IGLON5: variants seen among roughly 807,000 people sequenced by gnomAD.
IGLON5 encodes IgLON family member 5.
In IGLON5, 16 loss-of-function variants were observed where a neutral mutation model predicts 38.2. The ratio of observed to expected loss-of-function variants is 0.42; its 90% confidence interval spans 0.28 to 0.64. The LOEUF (loss-of-function observed/expected upper bound fraction) is 0.64, where lower values mean the gene tolerates loss of function less well. IGLON5 is among the 30% of genes least tolerant of loss of function. IGLON5 has a pLI of 0.23. For synonymous variants in IGLON5, 207 were observed against 216.4 expected (o/e 0.96, Z 0.38); for missense variants, 366 against 483.4 (o/e 0.76, Z 2.28).
rs1436142917 is a variant in IGLON5 at position 51,311,931 on chromosome 19, C to G, written c.79+5C>G. The stretch of plus-strand genomic sequence containing the variant: ...GCTTGGCCGTCATCAGCCGAGGTAC[C>G]GCAGCGCCGGGGGCGGGGGGCTCGG... On this transcript the variant is annotated splice_donor_5th_base_variant and intron_variant, in intron 1 of 7. Transcript: ENST00000270642. The G allele has an allele frequency of 5.3e-6, 7 of 1,325,626 alleles. No individual in the cohort carries two copies. The highest frequency in any genetic ancestry group is 5.8e-6 in the Non-Finnish European group (6 of 1,036,776). The allele number at this position is 1,325,626 out of a possible 1,614,324, so 82.1% of individuals were successfully genotyped here.
intron 1 of IGLON5, among the ~76,000 whole-genome samples, chr19:51,320,495 C>T (rs986496357): frequency 6.6e-6 from 1 of 152,188 alleles, no homozygotes; most frequent in African/African-American, 2.4e-5. Flanking sequence ...CCAGCCCCCA[C>T]TCCCTGGCCC....
At chr19:51,328,043 A>G (rs1985261862) in intron 7 of IGLON5, among the ~76,000 whole-genome samples, 157 bp downstream of exon 7, 2 of 152,226 alleles carry the variant, frequency 1.3e-5, no homozygotes, top group African/African-American at 4.8e-5. Flanking sequence ...GATCCACGCA[A>G]TCAATATTCA....
chr19:51,323,959 T>A (rs965505710), intron 3 of IGLON5, 65 bp downstream of exon 3: 12 of 1,111,586 alleles, frequency 1.1e-5, no homozygotes, highest in Admixed American at 4.0e-5. Context: ...CTAGGCATGA[T>A]GACAGATACC....
In IGLON5 at chr19:51,324,853, C is replaced by T. The variant is rs570639730; in HGVS notation, c.392-493C>T. On this transcript the variant is annotated intron_variant, in intron 3 of 7. Coordinates refer to ENST00000270642, the MANE Select transcript of IGLON5 (RefSeq NM_001101372.3). This position sits in a 1 kb window ranked among gnomAD's most constrained non-coding sequence, Gnocchi z 4.2. ...TGATGAAATACAGTAACATCCACCC[C>T]AGAGGCTGGTAGTGAGCATCTAATC... 4.7e-4 allele frequency among the ~76,000 whole-genome samples: 72 copies of T among 151,688 alleles called. No homozygotes were observed. Among genetic ancestry groups the T allele is most frequent in the South Asian group, 2.5e-3 (12 of 4,798 alleles).
chr19:51,319,411 G>A (rs1372395919), intron 1 of IGLON5, among the ~76,000 whole-genome samples: 2 of 152,116 alleles, frequency 1.3e-5, no homozygotes, highest in African/African-American at 4.8e-5. Flanking sequence ...TTGAGGGGAT[G>A]TGACAGTGTT....
At position 51,325,386 on chromosome 19, in the gene IGLON5, G is replaced by A; in HGVS notation, c.432G>A (p.Val144=). Residue 144 remains valine (V), a synonymous_variant, in exon 4 of 8, where the codon GTG becomes GTA. Coordinates refer to ENST00000270642, the MANE Select transcript of IGLON5 (RefSeq NM_001101372.3). This position sits in a 1 kb window ranked among gnomAD's most constrained non-coding sequence, Gnocchi z 5.5. ...RIVNISSPVT[V]NEGGNVNLLC... ...TGAACATCTCGTCGCCTGTGACGGT[G>A]AATGAGGGGGGCAATGTGAACCTGC... 2 of 1,613,846 alleles carry A rather than the reference G, an allele frequency of 1.2e-6. No homozygotes were observed. The highest frequency in any genetic ancestry group is 1.7e-6 in the Non-Finnish European group (2 of 1,179,822).
intron 1 of IGLON5, among the ~76,000 whole-genome samples, chr19:51,318,811 C>G (rs866404215): frequency 3.7e-4 from 56 of 152,152 alleles, no homozygotes; most frequent in African/African-American, 1.3e-3. Context: ...GGGGGCAGTG[C>G]CTGCTTCAAT....
chr19:51,322,170 G>C (rs370471696), intron 2 of IGLON5, 28 bp downstream of exon 2: 48 of 1,560,768 alleles, frequency 3.1e-5, no homozygotes, highest in East Asian at 2.0e-4. Context: ...TGGGGACTCA[G>C]ATCTCATGGA....
Position 51,324,254 on chromosome 19 carries a change from G to C in IGLON5, c.391+360G>C, listed in dbSNP as rs894530258. On this transcript the variant is annotated intron_variant, in intron 3 of 7. Coordinates refer to ENST00000270642, the MANE Select transcript of IGLON5 (RefSeq NM_001101372.3). The surrounding 1 kb of genome is among the most constrained non-coding windows in gnomAD (Gnocchi z 4.2). ...CTGATTTTCTGAGGACAGGCTCAGAGAGGACTTCCCAGACGTGACGTCTGA... is the reference window on the plus strand; with the variant it reads ...CTGATTTTCTGAGGACAGGCTCAGACAGGACTTCCCAGACGTGACGTCTGA... Among the ~76,000 whole-genome samples the C allele has an allele frequency of 3.9e-5, 6 of 152,218 alleles. No individual in the cohort carries two copies. Among genetic ancestry groups the C allele is most frequent in the African/African-American group, 1.4e-4 (6 of 41,448 alleles).
chr19:51,320,601 C>A (rs889748583), intron 1 of IGLON5, among the ~76,000 whole-genome samples: 1 of 152,168 alleles, frequency 6.6e-6, no homozygotes, highest in Non-Finnish European at 1.5e-5. Flanking sequence ...GGCATGGGCT[C>A]ACACCTGCAA....
rs750826214 is a variant in IGLON5 at position 51,325,305 on chromosome 19, A to C, written c.392-41A>C. The C allele has an allele frequency of 3.9e-5, 63 of 1,600,856 alleles. No homozygotes were observed. In the Admixed American group the frequency reaches 1.1e-3, roughly 28 times the overall value. Reference sequence around the variant, plus strand: ...GAAGGAGGAAGGGCTGGGGGCCTGGATTCCTGGGCATCCATATTCAGCCTC... The same window carrying C: ...GAAGGAGGAAGGGCTGGGGGCCTGGCTTCCTGGGCATCCATATTCAGCCTC... On this transcript the variant is annotated intron_variant, in intron 3 of 7. Coordinates refer to ENST00000270642, the MANE Select transcript of IGLON5 (RefSeq NM_001101372.3). The surrounding 1 kb of genome is among the most constrained non-coding windows in gnomAD (Gnocchi z 5.5).
Position 51,324,307 on chromosome 19 carries a change from T to C in IGLON5, c.391+413T>C, listed in dbSNP as rs1019840428. Among the ~76,000 whole-genome samples the C allele has an allele frequency of 1.3e-5, 2 of 152,102 alleles. No homozygotes were observed. The highest frequency in any genetic ancestry group is 2.9e-5 in the Non-Finnish European group (2 of 68,016). On this transcript the variant is annotated intron_variant, in intron 3 of 7. Transcript: ENST00000270642. This position sits in a 1 kb window ranked among gnomAD's most constrained non-coding sequence, Gnocchi z 4.2. ...TGACGCCTTTGGCTGGGCACAGGGCTAAGACCGGAAAAGAAACAGTGTGTG... is the reference window on the plus strand; with the variant it reads ...TGACGCCTTTGGCTGGGCACAGGGCCAAGACCGGAAAAGAAACAGTGTGTG...
At chr19:51,317,610 A>C (rs1329647359) in intron 1 of IGLON5, among the ~76,000 whole-genome samples, 1 of 152,210 alleles carries the variant, frequency 6.6e-6, no homozygotes, top group African/African-American at 2.4e-5. Context: ...AGCAACTGAC[A>C]GCCCAGATAC....
chr19:51,315,127 C>T (rs1052064672), intron 1 of IGLON5, among the ~76,000 whole-genome samples: 2 of 139,774 alleles, frequency 1.4e-5, no homozygotes, highest in African/African-American at 2.7e-5. Flanking sequence ...CACACACGCA[C>T]CCCCTCACAT....
intron 1 of IGLON5, among the ~76,000 whole-genome samples, chr19:51,315,225 G>A (rs565243454): frequency 1.3e-5 from 2 of 152,188 alleles, no homozygotes; most frequent in Admixed American, 6.5e-5. Context: ...CAGCAAATGA[G>A]GTGGGTGGTT....
At position 51,327,107 on chromosome 19, in the gene IGLON5, G is replaced by A; in HGVS notation, c.674G>A (p.Ser225Asn). The change falls in exon 6 of 8, where the codon AGC becomes AAC. Residue 225 changes from serine to asparagine, a missense_variant. Physicochemically the swap from Ser to Asn is conservative, Grantham distance 46 (BLOSUM62 1). Transcript: ENST00000270642. The surrounding 1 kb of genome is among the most constrained non-coding windows in gnomAD (Gnocchi z 7.1). ...NYPPTITDVT[S>N]ARTALGRAAL... Reference sequence around the variant, plus strand: ...CCTCCGACCATCACGGACGTGACCAGCGCCCGCACCGCGCTGGGCCGGGCC... The same window carrying A: ...CCTCCGACCATCACGGACGTGACCAACGCCCGCACCGCGCTGGGCCGGGCC... 1 of 1,610,634 alleles carries A rather than the reference G, an allele frequency of 6.2e-7. No homozygotes were observed. Among genetic ancestry groups the A allele is most frequent in the Non-Finnish European group, 8.5e-7 (1 of 1,178,772 alleles).
intron 1 of IGLON5, among the ~76,000 whole-genome samples, chr19:51,312,950 G>A (rs1048493777): frequency 6.6e-6 from 1 of 152,088 alleles, no homozygotes; most frequent in Admixed American, 6.5e-5. Context: ...GGAGGGCAGG[G>A]AGCTGGGTTA....
intron 4 of IGLON5, 52 bp from the exon 5 acceptor site, chr19:51,326,712 G>C (rs1456986436): frequency 1.5e-6 from 2 of 1,337,152 alleles, no homozygotes; most frequent in Non-Finnish European, 2.0e-6. Context: ...GTGTTGTCCC[G>C]TGTTAAGTGT....
intron 2 of IGLON5, among the ~76,000 whole-genome samples, chr19:51,322,380 C>G (rs1440733323): frequency 6.6e-6 from 1 of 150,450 alleles, no homozygotes; most frequent in African/African-American, 2.5e-5. Flanking sequence ...GGACAGAGAC[C>G]CAGAGAGAGA....
Sources: gnomAD v4.1 joint callset for allele counts (sites outside exome capture counted in the v4.1 genomes callset) on GRCh38, gnomAD v4.1.1 for gene constraint, Gnocchi (gnomAD v3.1) non-coding constraint, MANE v1.5 for transcripts, NCBI Gene and HGNC (gene_info 2026-07-23, HGNC 2026-07-21) for gene names.